Variants in ARRB1 observed in about 807,000 individuals in gnomAD.
ARRB1 encodes the protein beta-arrestin-1.
Under a neutral mutation model 56.8 loss-of-function variants are expected in ARRB1, and 21 were observed. The ratio of observed to expected loss-of-function variants is 0.37; its 90% CI spans 0.26 to 0.53. The LOEUF (loss-of-function observed/expected upper bound fraction) is 0.53, where lower values mean the gene tolerates loss of function less well. ARRB1 is among the 20% of genes least tolerant of loss of function. The probability of loss-of-function intolerance (pLI) is 0.88; values close to 1 mark genes in which losing one functional copy is unlikely to be tolerated. For synonymous variants in ARRB1, 210 were observed against 218.6 expected, an observed-to-expected ratio of 0.96 and a Z score of 0.35; for missense variants, 424 against 553.7, an observed-to-expected ratio of 0.77 and a Z score of 2.35.
intron 1 of ARRB1, chr11:75,335,127 G>A: frequency 4.3e-6 from 1 of 235,274 alleles, no homozygotes; most frequent in South Asian, 4.5e-5. Flanking sequence ...GGGCCCAGAG[G>A]CGATCTGAGC....
intron 8 of ARRB1, 54 bp downstream of exon 8, chr11:75,278,555 G>A: frequency 6.2e-7 from 1 of 1,611,084 alleles, no homozygotes; most frequent in Non-Finnish European, 8.5e-7. Context: ...TGGGATCTGA[G>A]GCCCAGGCCC....
chr11:75,331,650 C>A (rs748758776), intron 1 of ARRB1, among the ~76,000 whole-genome samples: 3 of 151,298 alleles, frequency 2.0e-5, no homozygotes, highest in East Asian at 2.0e-4. Context: ...CCTTTACCTA[C>A]GCAAATCTTA....
At chr11:75,278,892 G>A in intron 7 of ARRB1, 148 bp from the exon 8 acceptor site, 2 of 1,167,452 alleles carry the variant, frequency 1.7e-6, no homozygotes, top group South Asian at 1.6e-5. Context: ...ATCAGCATAG[G>A]GGTCTGTCAC....
Position 75,328,976 on chromosome 11 carries a change from A to G in ARRB1, c.20+22612T>C, listed in dbSNP as rs867843606. ...GAAAACACTGAACTCAGAGCCCTGA[A>G]GAGAGTGGGGCAGCCAGTAAGGGTT... On this transcript the variant is annotated intron_variant, in intron 1 of 15. Coordinates refer to ENST00000420843, the MANE Select transcript of ARRB1 (RefSeq NM_004041.5). Among the ~76,000 whole-genome samples the G allele has an allele frequency of 2.5e-4, 38 of 152,270 alleles. 1 individual carries two copies. In the Middle Eastern group the frequency reaches 0.014, roughly 55 times the overall value.
At chr11:75,344,567 G>A (rs1452187983) in intron 1 of ARRB1, among the ~76,000 whole-genome samples, 1 of 152,136 alleles carries the variant, frequency 6.6e-6, no homozygotes, top group East Asian at 1.9e-4. Flanking sequence ...GGGTGAAGAG[G>A]GAACAAACCT....
chr11:75,289,946 C>G (rs1946566052), intron 2 of ARRB1, 63 bp downstream of exon 2: 5 of 1,611,944 alleles, frequency 3.1e-6, no homozygotes, highest in Non-Finnish European at 4.2e-6. Flanking sequence ...CCTCTGCTTC[C>G]CAAGAGAAAA....
intron 1 of ARRB1, among the ~76,000 whole-genome samples, chr11:75,347,088 G>A (rs1200464627): frequency 6.6e-6 from 1 of 152,272 alleles, no homozygotes; most frequent in African/African-American, 2.4e-5. Flanking sequence ...CAGAAGCCCT[G>A]GAAGTGGCAA....
intron 1 of ARRB1, among the ~76,000 whole-genome samples, chr11:75,304,501 G>A (rs974587967): frequency 2.0e-5 from 3 of 152,050 alleles, no homozygotes; most frequent in Non-Finnish European, 2.9e-5. Context: ...GCTTGTACAG[G>A]CTCATAAGAG....
chr11:75,338,361 A>G (rs1238050320), intron 1 of ARRB1, among the ~76,000 whole-genome samples: 1 of 152,202 alleles, frequency 6.6e-6, no homozygotes, highest in Non-Finnish European at 1.5e-5. Context: ...CAGTGGCGGT[A>G]GAATGAGGAG....
intron 10 of ARRB1, 149 bp downstream of exon 10, chr11:75,276,690 G>A (rs1172378538): frequency 1.7e-5 from 11 of 644,046 alleles, no homozygotes; most frequent in East Asian, 5.5e-5. Flanking sequence ...AAGGCTCTTC[G>A]GGATCATCTA....
intron 9 of ARRB1, 24 bp downstream of exon 9, chr11:75,277,339 TA>T (rs1176524701): frequency 1.2e-6 from 2 of 1,608,682 alleles, no homozygotes; most frequent in African/African-American, 2.7e-5. Context: ...CGCTGTCCCC[TA>T]AGCTGACCCT....
intron 1 of ARRB1, among the ~76,000 whole-genome samples, chr11:75,294,681 T>C (rs1158358500): frequency 3.3e-5 from 5 of 152,146 alleles, no homozygotes; most frequent in African/African-American, 1.2e-4. Flanking sequence ...GGTAGCAAGG[T>C]ATAATAGACA....
At chr11:75,305,405 C>G (rs1402112866) in intron 1 of ARRB1, among the ~76,000 whole-genome samples, 1 of 151,990 alleles carries the variant, frequency 6.6e-6, no homozygotes, top group South Asian at 2.1e-4. Flanking sequence ...ACTATCATAC[C>G]CTCAAGGGTA....
chr11:75,315,531 A>G (rs1947251072), intron 1 of ARRB1, among the ~76,000 whole-genome samples: 1 of 152,180 alleles, frequency 6.6e-6, no homozygotes, highest in African/African-American at 2.4e-5. Flanking sequence ...ACGGGGTCCC[A>G]GGCAGCTTCC....
At chr11:75,329,640 T>C (rs1947489530) in intron 1 of ARRB1, among the ~76,000 whole-genome samples, 1 of 152,142 alleles carries the variant, frequency 6.6e-6, no homozygotes, top group African/African-American at 2.4e-5. Flanking sequence ...CACATTAGCC[T>C]GTTAATGGGA....
intron 1 of ARRB1, among the ~76,000 whole-genome samples, chr11:75,325,347 T>C (rs145616660): frequency 2.4e-4 from 36 of 152,208 alleles, no homozygotes; most frequent in Middle Eastern, 3.4e-3. Flanking sequence ...TTCAACAGGG[T>C]CTCTCGTTCT....
At chr11:75,320,602 A>G (rs957241076) in intron 1 of ARRB1, among the ~76,000 whole-genome samples, 1 of 152,180 alleles carries the variant, frequency 6.6e-6, no homozygotes, top group Non-Finnish European at 1.5e-5. Flanking sequence ...CTCCAGGAGG[A>G]AGAGGCCATG....
intron 1 of ARRB1, chr11:75,303,485 C>T (rs1946951971): frequency 6.9e-6 from 3 of 436,232 alleles, no homozygotes; most frequent in South Asian, 4.9e-5. Context: ...TGCTCTTGCC[C>T]TGACTCCTCT....
At chr11:75,314,743 A>G (rs1169329660) in intron 1 of ARRB1, among the ~76,000 whole-genome samples, 1 of 152,116 alleles carries the variant, frequency 6.6e-6, no homozygotes, top group Non-Finnish European at 1.5e-5. Flanking sequence ...CTGGGACTAC[A>G]GGCATGTGCC....
Sources: gnomAD v4.1 joint callset for allele counts (sites outside exome capture counted in the v4.1 genomes callset) on GRCh38, gnomAD v4.1.1 for gene constraint, MANE v1.5 for transcripts, NCBI Gene and HGNC (gene_info 2026-07-23, HGNC 2026-07-21) for gene names.